Variants in PHF20 observed in about 807,000 individuals in gnomAD.
The protein encoded by PHF20 is PHD finger protein 20.
A neutral mutation model predicts 113.5 loss-of-function variants in PHF20; 23 were observed. The observed-to-expected ratio is 0.20, with a 90% CI of 0.15 to 0.29. The LOEUF (loss-of-function observed/expected upper bound fraction) is 0.29. Ranked by LOEUF, PHF20 falls within the 10% of genes least tolerant of loss-of-function variation. PHF20 has a pLI of 1.00. For synonymous variants in PHF20, 434 were observed against 457.3 expected, an observed-to-expected ratio of 0.95 and a Z score of 0.65; for missense variants, 943 against 1,219.6, an observed-to-expected ratio of 0.77 and a Z score of 3.38.
At chr20:35,809,609 C>T (rs1302648715) in intron 2 of PHF20, among the ~76,000 whole-genome samples, 1 of 148,576 alleles carries the variant, frequency 6.7e-6, no homozygotes, top group Non-Finnish European at 1.5e-5. Flanking sequence ...TCCAGCTGGG[C>T]ATGGTGACTC....
chr20:35,874,916 A>G (rs1481866989), intron 9 of PHF20, among the ~76,000 whole-genome samples: 1 of 152,040 alleles, frequency 6.6e-6, no homozygotes, highest in Non-Finnish European at 1.5e-5. Context: ...TTGCATCAAC[A>G]TAGTGAGACC....
chr20:35,827,956 G>C (rs2042292936), intron 2 of PHF20, among the ~76,000 whole-genome samples: 1 of 152,164 alleles, frequency 6.6e-6, no homozygotes, highest in African/African-American at 2.4e-5. Context: ...ATGATCAAGT[G>C]AGATACCTTA....
intron 13 of PHF20, among the ~76,000 whole-genome samples, chr20:35,918,563 C>G (rs1240157782): frequency 1.3e-5 from 2 of 152,310 alleles, no homozygotes; most frequent in Admixed American, 1.3e-4. Flanking sequence ...CCACCTTTGG[C>G]CTCGCCCCAA....
chr20:35,855,322 C>T, intron 4 of PHF20: 1 of 1,119,140 alleles, frequency 8.9e-7, no homozygotes, highest in Non-Finnish European at 1.2e-6. Flanking sequence ...GCTGAGCTGC[C>T]TGTGTAGATA....
At chr20:35,882,977 A>G (rs559260219) in intron 9 of PHF20, among the ~76,000 whole-genome samples, 1 of 151,444 alleles carries the variant, frequency 6.6e-6, no homozygotes, top group South Asian at 2.1e-4. Context: ...GCAGTGAGCC[A>G]AGATCACGTT....
At chr20:35,879,181 C>A (rs2054582850) in intron 9 of PHF20, among the ~76,000 whole-genome samples, 1 of 152,024 alleles carries the variant, frequency 6.6e-6, no homozygotes, top group South Asian at 2.1e-4. Context: ...TCTTTTAGAA[C>A]TCTGTCCAAA....
intron 2 of PHF20, among the ~76,000 whole-genome samples, chr20:35,813,891 C>T (rs576752711): frequency 8.4e-5 from 11 of 130,458 alleles, no homozygotes; most frequent in Non-Finnish European, 1.5e-4. Flanking sequence ...AAGATCACAC[C>T]ATTGCACTCC....
At chr20:35,789,394 G>T (rs1406872407) in intron 1 of PHF20, among the ~76,000 whole-genome samples, 1 of 148,318 alleles carries the variant, frequency 6.7e-6, no homozygotes, top group Non-Finnish European at 1.5e-5. Flanking sequence ...TTGTGCCATT[G>T]CACTCCAGCC....
rs1431274763 is a variant in PHF20, at chr20:35,914,035, T to C, written c.1663T>C (p.Cys555Arg). The change falls in exon 12 of 18, where the codon TGC becomes CGC. Residue 555 changes from cysteine to arginine, a missense_variant and splice_region_variant. Transcript: ENST00000374012. Reference protein sequence around the residue: ...KKKKKKTKPECPCSEEISDTS... With the variant: ...KKKKKKTKPERPCSEEISDTS... ...CCTTCCTGATCCTGTTCTTCCAGAA[T>C]GCCCCTGCAGTGAGGAGATCAGTGA... 1 of 1,614,078 alleles carries C rather than the reference T, an allele frequency of 6.2e-7. No homozygotes were observed. The highest frequency in any genetic ancestry group is 8.5e-7 in the Non-Finnish European group (1 of 1,179,966).
At chr20:35,795,145 T>A (rs1329722887) in intron 1 of PHF20, among the ~76,000 whole-genome samples, 2 of 150,626 alleles carry the variant, frequency 1.3e-5, no homozygotes, top group East Asian at 2.0e-4. Context: ...TGAGCTGAGA[T>A]TGCACCATTG....
chr20:35,947,939 T>C lies in PHF20; in HGVS notation c.*312T>C. 4.2e-6 allele frequency: 1 copy of C among 239,290 alleles called. No homozygotes were observed. The highest frequency in any genetic ancestry group is 2.2e-5 in the African/African-American group (1 of 45,106). 14.8% of individuals were successfully genotyped at this position (239,290 alleles called of 1,614,324 possible). A position where few individuals can be genotyped will look rare whatever the true frequency, so the allele number is the denominator to read the frequency against. On this transcript the variant is annotated 3_prime_UTR_variant, in exon 18 of 18. Coordinates refer to ENST00000374012, the MANE Select transcript of PHF20 (RefSeq NM_016436.5). ...ATTGTGCCACTGATGATAAACGGAATGAGAGCCAAAAAAGTTTAGTTGGAG... is the reference window on the plus strand; with the variant it reads ...ATTGTGCCACTGATGATAAACGGAACGAGAGCCAAAAAAGTTTAGTTGGAG...
At chr20:35,888,584 G>C (rs2054782237) in intron 9 of PHF20, among the ~76,000 whole-genome samples, 1 of 152,058 alleles carries the variant, frequency 6.6e-6, no homozygotes, top group Non-Finnish European at 1.5e-5. Flanking sequence ...GAGTAATTGA[G>C]TTCCCCCTCA....
At chr20:35,879,404 A>G (rs138268480) in intron 9 of PHF20, among the ~76,000 whole-genome samples, 21 of 152,176 alleles carry the variant, frequency 1.4e-4, no homozygotes, top group African/African-American at 5.1e-4. Flanking sequence ...TATTAGAATA[A>G]TTTTTGAATG....
Position 35,931,435 on chromosome 20 carries a change from G to A in PHF20, c.2291G>A (p.Ser764Asn), listed in dbSNP as rs749672749. The A allele has an allele frequency of 3.7e-6, 6 of 1,609,770 alleles. No homozygotes were observed. The South Asian group carries it at 5.5e-5, about 15-fold the overall frequency. ...EVLHGLQLKM[S>N]ILQSREHPDL... ...CTGCATGGCCTGCAGCTCAAGATGAGCATCTTGCAGTAAGTGTGGCACCTG... is the reference window on the plus strand; with the variant it reads ...CTGCATGGCCTGCAGCTCAAGATGAACATCTTGCAGTAAGTGTGGCACCTG... The change falls in exon 15 of 18, where the codon AGC (serine) becomes AAC (asparagine). Residue 764 changes from serine to asparagine, a missense_variant. This residue lies in a region of PHF20 where 349 missense variants were observed against 412.3 expected (regional missense o/e 0.85). Coordinates refer to ENST00000374012, the MANE Select transcript of PHF20 (RefSeq NM_016436.5).
chr20:35,918,580 A>AT lies in PHF20; in HGVS notation c.2004+923dup, dbSNP rs560028150. On this transcript the variant is annotated intron_variant, in intron 13 of 17. Transcript: ENST00000374012. The stretch of plus-strand genomic sequence containing the variant: ...ACCTTTGGCCTCGCCCCAATTTTAC[A>AT]TTTTTGTGTTCAAGAGGCTAGGTAG... Among the ~76,000 whole-genome samples the AT allele has an allele frequency of 2.0e-4, 30 of 152,214 alleles. 2 individuals carry two copies. The South Asian group carries it at 6.0e-3, about 31-fold the overall frequency.
rs148790053 is a variant in PHF20 at position 35,804,436 on chromosome 20, C to T, written c.83+2831C>T. The stretch of plus-strand genomic sequence containing the variant: ...TTTTTTTAGTAGAGACGGGGTTTCA[C>T]GGTGTTAGCCAGGATGGTTGCGATC... On this transcript the variant is annotated intron_variant, in intron 2 of 17. Transcript: ENST00000374012. Among the ~76,000 whole-genome samples the T allele has an allele frequency of 3.9e-3, 586 of 152,044 alleles. 5 individuals carry two copies. The highest frequency in any genetic ancestry group is 0.014 in the African/African-American group (561 of 41,496).
Position 35,862,994 on chromosome 20 carries a change from G to A in PHF20, c.421-19G>A, listed in dbSNP as rs540427995. On this transcript the variant is annotated intron_variant, in intron 5 of 17. Transcript: ENST00000374012. ...GCAAGTAATCACGAAGTGTTTCATC[G>A]CTATTTTGCTCATTTTAGAATATTG... The A allele has an allele frequency of 5.9e-6, 9 of 1,536,190 alleles. No individual in the cohort carries two copies. In the South Asian group the frequency reaches 9.0e-5, roughly 15 times the overall value.
intron 13 of PHF20, among the ~76,000 whole-genome samples, chr20:35,925,422 C>T (rs2055608637): frequency 6.6e-6 from 1 of 152,012 alleles, no homozygotes; most frequent in Admixed American, 6.6e-5. Context: ...GCCACCATGC[C>T]TCCCTAATTT....
At chr20:35,777,720 A>G (rs1376090292) in intron 1 of PHF20, among the ~76,000 whole-genome samples, 2 of 152,196 alleles carry the variant, frequency 1.3e-5, no homozygotes, top group Non-Finnish European at 2.9e-5. Flanking sequence ...GCTCCTTGGG[A>G]GGCTGACGAG....
Sources: gnomAD v4.1 joint callset for allele counts (sites outside exome capture counted in the v4.1 genomes callset) on GRCh38, gnomAD v4.1.1 for gene constraint, gnomAD v4.1.1 regional missense constraint, MANE v1.5 for transcripts, NCBI Gene and HGNC (gene_info 2026-07-23, HGNC 2026-07-21) for gene names.